Variants in CDAN1 observed in about 807,000 individuals in gnomAD.
CDAN1 encodes the protein codanin 1, also known as codanin-1.
A neutral mutation model predicts 139.8 loss-of-function variants in CDAN1; 107 were observed. The observed-to-expected ratio is 0.77, with a 90% CI of 0.65 to 0.90. CDAN1 has a LOEUF of 0.90. CDAN1 is among the 40% of genes least tolerant of loss of function. The pLI, the probability that CDAN1 is intolerant of heterozygous loss-of-function variation, is 0.00. For synonymous variants in CDAN1, 776 were observed against 660.6 expected (o/e 1.17, Z -2.68); for missense variants, 1,667 against 1,575.7 (o/e 1.06, Z -0.98).
At position 42,735,897 on chromosome 15, in the gene CDAN1, GCTC is replaced by G; in HGVS notation, c.748_750del (p.Glu250del). ...TACCGCTCCTTCCTGAGCATCTCTCGCTCCTCTTGCAGACTTCTGCACCCTGGG... is the reference window on the plus strand; with the variant it reads ...TACCGCTCCTTCCTGAGCATCTCTCGCTCTTGCAGACTTCTGCACCCTGGG... On this transcript the variant is annotated inframe_deletion, in exon 3 of 28. Coordinates refer to ENST00000356231, the MANE Select transcript of CDAN1 (RefSeq NM_138477.4). The G allele has an allele frequency of 6.2e-7, 1 of 1,614,124 alleles. No individual in the cohort carries two copies. Among genetic ancestry groups the G allele is most frequent in the African/African-American group, 1.3e-5 (1 of 75,026 alleles).
At position 42,732,300 on chromosome 15, in the gene CDAN1, T is replaced by C. The variant is rs561013390; in HGVS notation, c.1533+33A>G. 3.1e-6 allele frequency: 5 copies of C among 1,598,692 alleles called. No homozygotes were observed. In the African/African-American group the frequency reaches 5.4e-5, roughly 17 times the overall value. ...GTGGCTGCCTGTGATGCCTGCTGTT[T>C]AATGTGGATTAATCTCTTGCTGGGG... On this transcript the variant is annotated intron_variant, in intron 10 of 27. Coordinates refer to ENST00000356231, the MANE Select transcript of CDAN1 (RefSeq NM_138477.4).
rs2061670257 is a variant in CDAN1 at position 42,735,145 on chromosome 15, T to C, written c.1091A>G (p.His364Arg). The C allele has an allele frequency of 6.2e-7, 1 of 1,613,790 alleles. No homozygotes were observed. Among genetic ancestry groups the C allele is most frequent in the South Asian group, 1.1e-5 (1 of 91,062 alleles). ...SLESPLFQSI[H>R]DCVFFAVQVL... Reference sequence around the variant, plus strand: ...CTGCACTGCAAAGAAGACACAATCGTGGATGCTTTGGAACAGTGGACTTTC... The same window carrying C: ...CTGCACTGCAAAGAAGACACAATCGCGGATGCTTTGGAACAGTGGACTTTC... Residue 364 changes from histidine to arginine, a missense_variant, in exon 6 of 28, where the codon CAC becomes CGC. Around this residue, in one of 3 missense-constraint regions of CDAN1, gnomAD observed 244 missense variants for 309.4 expected, o/e 0.79. Transcript: ENST00000356231.
At chr15:42,732,678 A>G (rs2061629757) in intron 9 of CDAN1, among the ~76,000 whole-genome samples, 1 of 152,174 alleles carries the variant, frequency 6.6e-6, no homozygotes, top group Non-Finnish European at 1.5e-5. Flanking sequence ...GGCGGGTTTC[A>G]TGAGCAATGT....
At chr15:42,728,864 C>T (rs1443019070) in intron 19 of CDAN1, 54 bp from the exon 20 acceptor site, 10 of 1,611,632 alleles carry the variant, frequency 6.2e-6, no homozygotes, top group Non-Finnish European at 7.6e-6. Flanking sequence ...CGGAAAGAGG[C>T]TGAAAATTTA....
Position 42,730,782 on chromosome 15 carries a change from C to T in CDAN1, c.2008-18G>A. The T allele has an allele frequency of 6.2e-7, 1 of 1,612,540 alleles. No homozygotes were observed. Among genetic ancestry groups the T allele is most frequent in the South Asian group, 1.1e-5 (1 of 90,950 alleles). On this transcript the variant is annotated intron_variant, in intron 13 of 27. Transcript: ENST00000356231. ...GGAGGGACCTGGGAGGGCCAGAGCTCAGTCAGGGGGCAGGTCCCTAGGAAG... is the reference window on the plus strand; with the variant it reads ...GGAGGGACCTGGGAGGGCCAGAGCTTAGTCAGGGGGCAGGTCCCTAGGAAG...
intron 27 of CDAN1, 90 bp downstream of exon 27, chr15:42,725,054 T>C (rs897285379): frequency 9.4e-7 from 1 of 1,066,508 alleles, no homozygotes. Context: ...AAAATCCACT[T>C]AGTTTGGCCC....
At position 42,727,617 on chromosome 15, in the gene CDAN1, G is replaced by T; in HGVS notation, c.3096+4C>A. The T allele has an allele frequency of 6.4e-7, 1 of 1,563,140 alleles. No individual in the cohort carries two copies. Among genetic ancestry groups the T allele is most frequent in the Non-Finnish European group, 8.7e-7 (1 of 1,150,678 alleles). ...AAGCCAAAGGGAGTAGGGTAGCCGT[G>T]TACTTTTATCTCGGAGATGAGGTGG... is the stretch of plus-strand genomic sequence containing the variant. On this transcript the variant is annotated splice_donor_region_variant and intron_variant, in intron 23 of 27. Coordinates refer to ENST00000356231, the MANE Select transcript of CDAN1 (RefSeq NM_138477.4).
chr15:42,729,970 G>T, intron 15 of CDAN1, 85 bp from the exon 16 acceptor site: 2 of 1,222,132 alleles, frequency 1.6e-6, no homozygotes, highest in South Asian at 1.3e-5. Context: ...GGGTGTAGGC[G>T]CCAGCTTCAA....
rs747225543 is a variant in CDAN1 at position 42,728,688 on chromosome 15, C to CACAGCTGGGAACACAAGATCTCCA, written c.2744_2767dup (p.Leu915_Leu922dup). The CACAGCTGGGAACACAAGATCTCCA allele has an allele frequency of 2.5e-6, 4 of 1,614,056 alleles. No homozygotes were observed. In the African/African-American group the frequency reaches 5.3e-5, roughly 22 times the overall value. On this transcript the variant is annotated inframe_insertion, in exon 20 of 28. Coordinates refer to ENST00000356231, the MANE Select transcript of CDAN1 (RefSeq NM_138477.4). ...GGCCAATGCCTGGGCCCCGTGAGGG[C>CACAGCTGGGAACACAAGATCTCCA]ACAGCTGGGAACACAAGATCTCCAA...
At chr15:42,725,975 C>CAA (rs886492399) in intron 25 of CDAN1, 122 bp downstream of exon 25, 27,917 of 329,294 alleles carry the variant, frequency 0.085, 504 homozygotes, top group African/African-American at 0.14. Flanking sequence ...GATTCCGTCT[C>CAA]AAAAAAAAAA....
intron 15 of CDAN1, 42 bp from the exon 16 acceptor site, chr15:42,729,927 CACCCA>C (rs757250765): frequency 1.4e-6 from 2 of 1,405,736 alleles, no homozygotes; most frequent in Non-Finnish European, 2.0e-6. Flanking sequence ...CAGAGACCCC[CACCCA>C]ACCCACCCCA....
In CDAN1 at chr15:42,728,679, C is replaced by T. The variant is rs779007555; in HGVS notation, c.2777G>A (p.Gly926Glu). The T allele has an allele frequency of 1.9e-6, 3 of 1,614,028 alleles. No homozygotes were observed. Among genetic ancestry groups the T allele is most frequent in the Non-Finnish European group, 2.5e-6 (3 of 1,180,038 alleles). ...CCGCCCCAGGGCCAATGCCTGGGCC[C>T]CGTGAGGGCACAGCTGGGAACACAA... ...EILCSQLCPH[G>E]AQALALGREF... The change falls in exon 20 of 28, where the codon GGG becomes GAG. Residue 926 changes from glycine (G) to glutamate (E), a missense_variant. By Grantham distance (98) the Gly-to-Glu change is moderately conservative (BLOSUM62 -2). Around this residue, in one of 3 missense-constraint regions of CDAN1, gnomAD observed 936 missense variants for 844.1 expected, o/e 1.11. Coordinates refer to ENST00000356231, the MANE Select transcript of CDAN1 (RefSeq NM_138477.4).
chr15:42,726,996 T>C (rs1223171484), intron 23 of CDAN1: 2 of 156,160 alleles, frequency 1.3e-5, no homozygotes, highest in African/African-American at 4.8e-5. Context: ...ATTTTAGGCT[T>C]TGCAGGCCAT....
chr15:42,729,578 G>A lies in CDAN1; in HGVS notation c.2397C>T (p.Cys799=). 1.9e-6 allele frequency: 3 copies of A among 1,614,146 alleles called. No individual in the cohort carries two copies. Among genetic ancestry groups the A allele is most frequent in the African/African-American group, 2.7e-5 (2 of 75,026 alleles). ...VVDQQLLYTC[C]PYIGELRKLL... ...AAGACCGGTGCTCACCGATGTAGGG[G>A]CAGCAGGTGTAGAGCAGCTGCTGGT... The change falls in exon 17 of 28, where the codon TGC becomes TGT. Residue 799 remains cysteine (C), a synonymous_variant. Coordinates refer to ENST00000356231, the MANE Select transcript of CDAN1 (RefSeq NM_138477.4).
intron 23 of CDAN1, chr15:42,727,194 T>TC (rs1248601581): frequency 6.2e-6 from 1 of 161,982 alleles, no homozygotes; most frequent in Non-Finnish European, 1.3e-5. Flanking sequence ...AGTTTTAAAA[T>TC]AAAGTTAGGA....
chr15:42,724,499 G>A lies in CDAN1; in HGVS notation c.3676C>T (p.Gln1226Ter). ...VQPNRGTVLAQS is the reference protein window; with the variant it reads ...VQPNRGTVLA ...AGGGCCACTTCTCAGCCCTAGCTCT[G>A]GGCCAGCACAGTGCCCCGGTTTGGC... The change falls in exon 28 of 28, where the codon CAG becomes TAG. Residue 1226 changes from glutamine (Q) to a stop codon, truncating the protein, a stop_gained. Transcript: ENST00000356231. LOFTEE classifies it high-confidence loss of function. 6.3e-7 allele frequency: 1 copy of A among 1,577,444 alleles called. No homozygotes were observed. The highest frequency in any genetic ancestry group is 8.6e-7 in the Non-Finnish European group (1 of 1,160,372).
Position 42,728,343 on chromosome 15 carries a change from C to G in CDAN1, c.2805-76G>C, listed in dbSNP as rs570121114. 362 of 1,493,190 alleles carry G rather than the reference C, an allele frequency of 2.4e-4. 2 individuals carry two copies. The African/African-American group carries it at 4.7e-3, about 19-fold the overall frequency. 92.5% of individuals were successfully genotyped at this position (1,493,190 alleles called of 1,614,324 possible). Reference sequence around the variant, plus strand: ...GCAGAAGTAAATGCCCCGAGTGCACCAAGCCCCTGACCTGGGAGGCTGTAC... The same window carrying G: ...GCAGAAGTAAATGCCCCGAGTGCACGAAGCCCCTGACCTGGGAGGCTGTAC... On this transcript the variant is annotated intron_variant, in intron 20 of 27. Coordinates refer to ENST00000356231, the MANE Select transcript of CDAN1 (RefSeq NM_138477.4).
rs56046122 is a variant in CDAN1 at position 42,725,478 on chromosome 15, G to A, written c.3450+11C>T. On this transcript the variant is annotated intron_variant, in intron 26 of 27. Transcript: ENST00000356231. Reference sequence around the variant, plus strand: ...GTGACTGCAGAGGGCTTCTTGTTCCGTCTGACTCACCTCCCTTGGCCTTGT... The same window carrying A: ...GTGACTGCAGAGGGCTTCTTGTTCCATCTGACTCACCTCCCTTGGCCTTGT... 0.021 allele frequency: 34,440 copies of A among 1,614,006 alleles called. 1,547 individuals carry two copies. Among genetic ancestry groups the A allele is most frequent in the African/African-American group, 0.18 (13,603 of 74,992 alleles).
At position 42,735,193 on chromosome 15, in the gene CDAN1, C is replaced by T. The variant is rs765849825; in HGVS notation, c.1058-15G>A. 3 of 1,609,088 alleles carry T rather than the reference C, an allele frequency of 1.9e-6. No individual in the cohort carries two copies. Among genetic ancestry groups the T allele is most frequent in the Non-Finnish European group, 2.6e-6 (3 of 1,175,558 alleles). On this transcript the variant is annotated splice_polypyrimidine_tract_variant and intron_variant, in intron 5 of 27. Coordinates refer to ENST00000356231, the MANE Select transcript of CDAN1 (RefSeq NM_138477.4). ...TTCCAGGGAATCTAGAAGGACAGTA[C>T]CAAGCTGTCAGTTAAGAACGGTCCC...
Sources: allele counts gnomAD v4.1 joint callset (sites outside exome capture counted in the v4.1 genomes callset), GRCh38; gene constraint gnomAD v4.1.1; regional missense constraint gnomAD v4.1.1; transcripts MANE v1.5; gene names NCBI Gene and HGNC (gene_info 2026-07-23, HGNC 2026-07-21).